The following SFXN1 variants were observed in gnomAD, a reference collection of about 807,000 sequenced individuals.
The protein encoded by SFXN1 is sideroflexin-1.
A neutral mutation model predicts 39.5 loss-of-function variants in SFXN1; 32 were observed. That is an observed-to-expected ratio of 0.81 (90% CI 0.61 to 1.09). The LOEUF (loss-of-function observed/expected upper bound fraction) is 1.09. Among genes scored for constraint, SFXN1 ranks in the 50% least tolerant of loss-of-function variants. The probability of loss-of-function intolerance (pLI) is 0.00; values close to 1 mark genes in which losing one functional copy is unlikely to be tolerated. For synonymous variants in SFXN1, 136 were observed against 146.5 expected (o/e 0.93, Z 0.52); for missense variants, 402 against 407.1 (o/e 0.99, Z 0.11).
At position 175,527,621 on chromosome 5, in the gene SFXN1, A is replaced by G. The variant is rs554198276; in HGVS notation, c.*887A>G. 3 of 152,108 alleles carry G rather than the reference A, an allele frequency of 2.0e-5. No individual in the cohort carries two copies. In the South Asian group the frequency reaches 6.2e-4, roughly 32 times the overall value. The allele number at this position is 152,108 out of a possible 1,614,324, so 9.4% of individuals were successfully genotyped here. On this transcript the variant is annotated 3_prime_UTR_variant, in exon 11 of 11. Transcript: ENST00000321442. ...TGAGACTACAGTTCCAGCTACCTACATGTCTTTTCTTGTCATCCTTATAGA... is the reference window on the plus strand; with the variant it reads ...TGAGACTACAGTTCCAGCTACCTACGTGTCTTTTCTTGTCATCCTTATAGA...
intron 1 of SFXN1, among the ~76,000 whole-genome samples, chr5:175,487,445 G>A (rs1404908491): frequency 6.6e-5 from 10 of 152,044 alleles, no homozygotes; most frequent in Admixed American, 5.9e-4. Flanking sequence ...GGAAGTGACC[G>A]GCTACCAAGG....
chr5:175,521,837 A>G lies in SFXN1; in HGVS notation c.775-82A>G, dbSNP rs1760888080. On this transcript the variant is annotated intron_variant, in intron 8 of 10. Transcript: ENST00000321442. ...TATCTGAATCTTGAAATGTGGTGAGAGGTTCCTTCCAGTTAATCAGAAGAT... is the reference window on the plus strand; with the variant it reads ...TATCTGAATCTTGAAATGTGGTGAGGGGTTCCTTCCAGTTAATCAGAAGAT... 9 of 1,077,846 alleles carry G rather than the reference A, an allele frequency of 8.3e-6. No homozygotes were observed. The African/African-American group carries it at 1.1e-4, about 13-fold the overall frequency. 66.8% of individuals were successfully genotyped at this position (1,077,846 alleles called of 1,614,324 possible).
chr5:175,502,101 A>G (rs1368750401), intron 2 of SFXN1, among the ~76,000 whole-genome samples: 1 of 152,194 alleles, frequency 6.6e-6, no homozygotes, highest in Admixed American at 6.5e-5. Flanking sequence ...GTGCGATGGC[A>G]GAACTGGTTG....
At chr5:175,492,859 A>G (rs181737259) in intron 2 of SFXN1, among the ~76,000 whole-genome samples, 293 of 152,294 alleles carry the variant, frequency 1.9e-3, no homozygotes, top group African/African-American at 6.7e-3. Flanking sequence ...TTTTTCTGTA[A>G]AAGATCATAT....
At chr5:175,508,642 T>A (rs1468909059) in intron 2 of SFXN1, among the ~76,000 whole-genome samples, 2 of 138,482 alleles carry the variant, frequency 1.4e-5, no homozygotes, top group Non-Finnish European at 3.0e-5. Context: ...TAGGTGAGCA[T>A]AAATTTTTTT....
rs756601676 is a variant in SFXN1 at position 175,511,470 on chromosome 5, G to A, written c.454G>A (p.Val152Ile). ...LTVNELGTAY[V>I]SATTGAVATA... ...TTTCAGTGAGTTGGGAACAGCTTAC[G>A]TTTCTGCAACAACTGGTGCCGTAGC... Residue 152 changes from valine (V) to isoleucine (I), a missense_variant, in exon 5 of 11, where the codon GTT (valine) becomes ATT (isoleucine). By Grantham distance (29) the Val-to-Ile change is conservative. Transcript: ENST00000321442. 15 of 1,613,950 alleles carry A rather than the reference G, an allele frequency of 9.3e-6. No individual in the cohort carries two copies. The highest frequency in any genetic ancestry group is 1.6e-4 in the Middle Eastern group (1 of 6,084).
At position 175,510,000 on chromosome 5, in the gene SFXN1, C is replaced by T; in HGVS notation, c.336-109C>T. On this transcript the variant is annotated intron_variant, in intron 3 of 10. Transcript: ENST00000321442. ...TAAGCCTGTGTGGCCTTATGGCTTT[C>T]TCCCTTCCCCAGTACGTCTCCTCTC... 3 of 825,428 alleles carry T rather than the reference C, an allele frequency of 3.6e-6. No individual in the cohort carries two copies. The East Asian group carries it at 8.1e-5, about 22-fold the overall frequency. 51.1% of individuals were successfully genotyped at this position (825,428 alleles called of 1,614,324 possible). A position where few individuals can be genotyped will look rare whatever the true frequency, so the allele number is the denominator to read the frequency against.
At chr5:175,522,075 TC>T (rs1760899760) in intron 9 of SFXN1, 107 bp downstream of exon 9, 1 of 882,814 alleles carries the variant, frequency 1.1e-6, no homozygotes, top group African/African-American at 1.7e-5. Context: ...AATGAGGCCA[TC>T]TCAGAACATC....
chr5:175,502,191 C>CCTA (rs1760108717), intron 2 of SFXN1, among the ~76,000 whole-genome samples: 1 of 152,162 alleles, frequency 6.6e-6, no homozygotes, highest in South Asian at 2.1e-4. Flanking sequence ...TTTTACAATA[C>CCTA]AGTGATGTTA....
At chr5:175,492,297 T>G (rs1759688795) in intron 2 of SFXN1, 30 bp downstream of exon 2, 1 of 1,551,850 alleles carries the variant, frequency 6.4e-7, no homozygotes, top group Admixed American at 1.9e-5. Flanking sequence ...TTTGGTTTAA[T>G]GTATAAATAG....
chr5:175,498,343 C>T (rs1759944986), intron 2 of SFXN1, among the ~76,000 whole-genome samples: 1 of 150,718 alleles, frequency 6.6e-6, no homozygotes, highest in Non-Finnish European at 1.5e-5. Flanking sequence ...TAATTTAACC[C>T]TCACAACCTT....
intron 6 of SFXN1, 43 bp downstream of exon 6, chr5:175,512,239 G>A: frequency 1.3e-6 from 2 of 1,523,376 alleles, no homozygotes; most frequent in Non-Finnish European, 1.8e-6. Context: ...GTGCTTGACA[G>A]GAGAGTCTCT....
intron 8 of SFXN1, among the ~76,000 whole-genome samples, chr5:175,518,898 C>G (rs1760796489): frequency 6.6e-6 from 1 of 152,134 alleles, no homozygotes; most frequent in South Asian, 2.1e-4. Context: ...ATCAATTGGA[C>G]TTCATCAGAT....
chr5:175,496,520 A>G (rs1759866587), intron 2 of SFXN1, among the ~76,000 whole-genome samples: 1 of 152,228 alleles, frequency 6.6e-6, no homozygotes, highest in South Asian at 2.1e-4. Context: ...ACTATATTCA[A>G]TAAATGCATT....
chr5:175,494,927 C>A (rs748747331), intron 2 of SFXN1, among the ~76,000 whole-genome samples: 1 of 152,110 alleles, frequency 6.6e-6, no homozygotes, highest in Non-Finnish European at 1.5e-5. Flanking sequence ...CCCAGCAGTT[C>A]CACTTCTGGG....
At position 175,510,144 on chromosome 5, in the gene SFXN1, A is replaced by G; in HGVS notation, c.371A>G (p.Asn124Ser). The change falls in exon 4 of 11, where the codon AAC (asparagine) becomes AGC (serine). Residue 124 changes from asparagine (N) to serine (S), a missense_variant. Coordinates refer to ENST00000321442, the MANE Select transcript of SFXN1 (RefSeq NM_022754.7). The stretch of plus-strand genomic sequence containing the variant: ...GCTGTGCTGTTCTGGCAGTGGATTA[A>G]CCAGTCCTTCAATGCCGTCGTCAAT... ...TPAVLFWQWINQSFNAVVNYT... is the reference protein window; with the variant it reads ...TPAVLFWQWISQSFNAVVNYT... The G allele has an allele frequency of 6.2e-7, 1 of 1,613,350 alleles. No individual in the cohort carries two copies. The highest frequency in any genetic ancestry group is 8.5e-7 in the Non-Finnish European group (1 of 1,179,788).
chr5:175,526,226 A>G (rs909367091), intron 10 of SFXN1, among the ~76,000 whole-genome samples: 1 of 151,502 alleles, frequency 6.6e-6, no homozygotes, highest in African/African-American at 2.4e-5. Flanking sequence ...GCAGATTATC[A>G]ATGTTATGCA....
intron 2 of SFXN1, among the ~76,000 whole-genome samples, chr5:175,507,972 T>TG (rs1561666933): frequency 1.4e-5 from 1 of 73,688 alleles, no homozygotes; most frequent in Non-Finnish European, 2.5e-5. Flanking sequence ...GACCCTGTCT[T>TG]TAAAAAAAAA....
At chr5:175,486,853 C>A (rs924854065) in intron 1 of SFXN1, among the ~76,000 whole-genome samples, 1 of 151,962 alleles carries the variant, frequency 6.6e-6, no homozygotes, top group Non-Finnish European at 1.5e-5. Context: ...CTAAAGGTTG[C>A]CTTATATTTA....
Sources: allele counts gnomAD v4.1 joint callset (sites outside exome capture counted in the v4.1 genomes callset), GRCh38; gene constraint gnomAD v4.1.1; transcripts MANE v1.5; gene names NCBI Gene and HGNC (gene_info 2026-07-23, HGNC 2026-07-21).